RNF19B: variants seen among roughly 807,000 people sequenced by gnomAD.
The protein encoded by RNF19B is E3 ubiquitin-protein ligase RNF19B.
RNF19B carries 23 observed loss-of-function variants against 65.5 expected under a neutral mutation model. The observed-to-expected ratio is 0.35, with a 90% confidence interval of 0.25 to 0.50. RNF19B has a LOEUF of 0.50. Among genes scored for constraint, RNF19B ranks in the 20% least tolerant of loss-of-function variants. The probability of loss-of-function intolerance (pLI) is 0.98; values close to 1 mark genes in which losing one functional copy is unlikely to be tolerated. For synonymous variants in RNF19B, 372 were observed against 379.6 expected, an observed-to-expected ratio of 0.98 and a Z score of 0.23; for missense variants, 794 against 980.0, an observed-to-expected ratio of 0.81 and a Z score of 2.53.
chr1:32,938,538 G>C lies in RNF19B; in HGVS notation c.1611-10C>G. ...GGCTTGAACTTCTAACCTGTGTAAA[G>C]AGGGGACGTTCAAGTTAATATGAGA... On this transcript the variant is annotated splice_polypyrimidine_tract_variant and intron_variant, in intron 7 of 8. Coordinates refer to ENST00000235150, the MANE Select transcript of RNF19B (RefSeq NM_001300826.2). The C allele has an allele frequency of 6.2e-7, 1 of 1,613,214 alleles. No individual in the cohort carries two copies. Among genetic ancestry groups the C allele is most frequent in the Non-Finnish European group, 8.5e-7 (1 of 1,179,268 alleles).
chr1:32,949,600 T>G lies in RNF19B; in HGVS notation c.810A>C (p.Ser270=). The G allele has an allele frequency of 6.2e-7, 1 of 1,614,024 alleles. No homozygotes were observed. Among genetic ancestry groups the G allele is most frequent in the Non-Finnish European group, 8.5e-7 (1 of 1,180,004 alleles). The change falls in exon 2 of 9, where the codon TCA becomes TCC. Residue 270 remains serine, a synonymous_variant. Coordinates refer to ENST00000235150, the MANE Select transcript of RNF19B (RefSeq NM_001300826.2). The stretch of plus-strand genomic sequence containing the variant: ...CAGATTCTTGCCCATAACTGAGACC[T>G]GAAGTGTGTTTGGTCCGAACTCGTA... ...QTLRVRTKHT[S]GLSYGQESGP... is the part of the protein sequence containing the mutation.
At chr1:32,961,367 A>T (rs1642765526) in intron 1 of RNF19B, among the ~76,000 whole-genome samples, 1 of 152,236 alleles carries the variant, frequency 6.6e-6, no homozygotes, top group Non-Finnish European at 1.5e-5. Flanking sequence ...TTTTTAAAAC[A>T]GGGGCTGAAT....
chr1:32,930,175 T>C, the RNF19B span, among the ~76,000 whole-genome samples: 1 of 152,112 alleles, frequency 6.6e-6, no homozygotes. Flanking sequence ...AGTGGCATGA[T>C]CTCAGCTCAC....
intron 1 of RNF19B, among the ~76,000 whole-genome samples, chr1:32,962,702 T>G (rs915954279): frequency 1.3e-5 from 2 of 152,222 alleles, no homozygotes; most frequent in Non-Finnish European, 2.9e-5. Flanking sequence ...AACTTTTTAC[T>G]AGCATTACGT....
At chr1:32,951,334 A>T (rs1262015847) in intron 1 of RNF19B, among the ~76,000 whole-genome samples, 1 of 152,228 alleles carries the variant, frequency 6.6e-6, no homozygotes, top group Non-Finnish European at 1.5e-5. Context: ...CCCTTTGCAG[A>T]TGCAGCCCTG....
intron 1 of RNF19B, among the ~76,000 whole-genome samples, chr1:32,960,143 G>T (rs1642736443): frequency 6.6e-6 from 1 of 152,128 alleles, no homozygotes; most frequent in African/African-American, 2.4e-5. Flanking sequence ...TGTAAGAGAA[G>T]AAAAATCCAA....
At chr1:32,956,380 A>C (rs1465364719) in intron 1 of RNF19B, among the ~76,000 whole-genome samples, 1 of 152,036 alleles carries the variant, frequency 6.6e-6, no homozygotes, top group African/African-American at 2.4e-5. Context: ...CTCTCTTCAA[A>C]TAACAACAAC....
In RNF19B at chr1:32,964,490, C is replaced by CGGGCGGCGGCGGCGCAGCCGG. The variant is rs1642856678; in HGVS notation, c.195_196insCCGGCTGCGCCGCCGCCGCCC (p.Pro65_Ala66insProAlaAlaProProProPro). ...CCCTGGGCCGCGGCAGGGGCCGGGG[C>CGGGCGGCGGCGGCGCAGCCGG]GGGCGGCGGCTGCGCAGCCGGGGGC... On this transcript the variant is annotated inframe_insertion, in exon 1 of 9. Transcript: ENST00000235150. The surrounding 1 kb of genome is among the most constrained non-coding windows in gnomAD (Gnocchi z 6.5). 1.7e-5 allele frequency: 16 copies of CGGGCGGCGGCGGCGCAGCCGG among 939,576 alleles called. No homozygotes were observed. In the South Asian group the frequency reaches 2.0e-4, roughly 12 times the overall value. 58.2% of individuals were successfully genotyped at this position (939,576 alleles called of 1,614,324 possible).
the RNF19B span, among the ~76,000 whole-genome samples, chr1:32,929,303 G>A: frequency 6.6e-6 from 1 of 152,066 alleles, no homozygotes; most frequent in Non-Finnish European, 1.5e-5. Context: ...TCGAATTAGG[G>A]GGCCACCCTA....
Position 32,938,253 on chromosome 1 carries a change from G to C in RNF19B, c.1742+144C>G, listed in dbSNP as rs1642154056. The C allele has an allele frequency of 5.3e-6, 4 of 749,972 alleles. No individual in the cohort carries two copies. The South Asian group carries it at 7.0e-5, about 13-fold the overall frequency. 46.5% of individuals were successfully genotyped at this position (749,972 alleles called of 1,614,324 possible). A position where few individuals can be genotyped will look rare whatever the true frequency, so the allele number is the denominator to read the frequency against. ...GAGATGCCAAACACTCAAGTACCAA[G>C]AACTTGCTCAAATGAATTCACAGGT... On this transcript the variant is annotated intron_variant, in intron 8 of 8. Coordinates refer to ENST00000235150, the MANE Select transcript of RNF19B (RefSeq NM_001300826.2).
intron 7 of RNF19B, among the ~76,000 whole-genome samples, chr1:32,941,891 A>AT (rs575941827): frequency 1.2e-4 from 18 of 152,264 alleles, no homozygotes; most frequent in African/African-American, 4.3e-4. Flanking sequence ...AGGTCAGGAG[A>AT]TTGAGACCAT....
downstream of RNF19B, among the ~76,000 whole-genome samples, chr1:32,933,705 T>G (rs1336721934): frequency 6.6e-6 from 1 of 152,218 alleles, no homozygotes; most frequent in African/African-American, 2.4e-5. Context: ...CTTTCTTATA[T>G]GATATCTAAA....
intron 8 of RNF19B, among the ~76,000 whole-genome samples, chr1:32,938,139 A>AC (rs1185651326): frequency 2.1e-5 from 3 of 141,882 alleles, no homozygotes; most frequent in African/African-American, 8.1e-5. Flanking sequence ...GCCAAGAAAG[A>AC]CAAAAAAAAA....
chr1:32,941,731 C>T (rs1642236866), intron 7 of RNF19B, among the ~76,000 whole-genome samples: 1 of 151,702 alleles, frequency 6.6e-6, no homozygotes, highest in Non-Finnish European at 1.5e-5. Flanking sequence ...AGCTATGGTG[C>T]AATGGAAAGA....
At chr1:32,946,349 T>TA in intron 4 of RNF19B, 53 bp downstream of exon 4, 1 of 1,546,502 alleles carries the variant, frequency 6.5e-7, no homozygotes, top group Non-Finnish European at 8.9e-7. Context: ...CTCAAACCTT[T>TA]ACTAACGAAC....
intron 4 of RNF19B, 49 bp downstream of exon 4, chr1:32,946,353 A>T: frequency 6.4e-7 from 1 of 1,563,778 alleles, no homozygotes; most frequent in Admixed American, 1.7e-5. Context: ...AACCTTTACT[A>T]ACGAACCTAA....
chr1:32,947,276 T>C (rs186367984), intron 3 of RNF19B, among the ~76,000 whole-genome samples: 48 of 152,342 alleles, frequency 3.2e-4, no homozygotes, highest in African/African-American at 1.2e-3. Context: ...CAATGAATGT[T>C]TGTTTGTAAA....
At chr1:32,945,415 G>T in intron 5 of RNF19B, 99 bp downstream of exon 5, 1 of 707,458 alleles carries the variant, frequency 1.4e-6, no homozygotes, top group Non-Finnish European at 2.5e-6. Flanking sequence ...AGGTGGGTTC[G>T]CATAAAATGT....
At chr1:32,954,202 G>A (rs1448986855) in intron 1 of RNF19B, among the ~76,000 whole-genome samples, 2 of 150,466 alleles carry the variant, frequency 1.3e-5, no homozygotes, top group East Asian at 1.9e-4. Context: ...GTGAGCCACC[G>A]TGCCCAGCCC....
Sources: allele counts gnomAD v4.1 joint callset (sites outside exome capture counted in the v4.1 genomes callset), GRCh38; gene constraint gnomAD v4.1.1; non-coding constraint Gnocchi (gnomAD v3.1); transcripts MANE v1.5; gene names NCBI Gene and HGNC (gene_info 2026-07-23, HGNC 2026-07-21).